RAP1GDS1: variants seen among roughly 807,000 people sequenced by gnomAD.
The protein encoded by RAP1GDS1 is Rap1 GTPase-GDP dissociation stimulator 1.
In RAP1GDS1, 35 loss-of-function variants were observed where a neutral mutation model predicts 71.1. That is an observed-to-expected ratio of 0.49 (90% confidence interval 0.38 to 0.65). RAP1GDS1 has a LOEUF of 0.65. Among genes scored for constraint, RAP1GDS1 ranks in the 30% least tolerant of loss-of-function variants. The probability of loss-of-function intolerance (pLI) is 0.00; values close to 1 mark genes in which losing one functional copy is unlikely to be tolerated. For missense variants in RAP1GDS1, 663 were observed against 706.1 expected, an observed-to-expected ratio of 0.94 and a Z score of 0.69; for synonymous variants, 229 against 243.1, an observed-to-expected ratio of 0.94 and a Z score of 0.54.
At chr4:98,303,627 A>AATAATATATAAT (rs1553965662) in intron 2 of RAP1GDS1, among the ~76,000 whole-genome samples, 1 of 141,332 alleles carries the variant, frequency 7.1e-6, no homozygotes, top group African/African-American at 2.6e-5. Context: ...GTAAATTAAT[A>AATAATATATAAT]ATAATATAAT....
intron 4 of RAP1GDS1, among the ~76,000 whole-genome samples, chr4:98,372,254 C>G (rs576082221): frequency 5.3e-5 from 8 of 152,214 alleles, no homozygotes; most frequent in African/African-American, 1.9e-4. Flanking sequence ...CCTCCGCCTC[C>G]TAGGTTCAAG....
rs576272464 is a variant in RAP1GDS1, at chr4:98,441,329, G to C, written c.1697-661G>C. Reference sequence around the variant, plus strand: ...ATTTTCTTGTAATTGAAGTTAAATAGAGAAAGCAAGTCAGAAAGAAGAGGA... The same window carrying C: ...ATTTTCTTGTAATTGAAGTTAAATACAGAAAGCAAGTCAGAAAGAAGAGGA... On this transcript the variant is annotated intron_variant, in intron 14 of 14. Coordinates refer to ENST00000408927, the MANE Select transcript of RAP1GDS1 (RefSeq NM_001100427.2). 7 of 982,474 alleles carry C rather than the reference G, an allele frequency of 7.1e-6. No homozygotes were observed. The Admixed American group carries it at 4.3e-4, about 60-fold the overall frequency. The allele number at this position is 982,474 out of a possible 1,614,324, so 60.9% of individuals were successfully genotyped here.
At chr4:98,307,103 A>G (rs1729436139) in intron 2 of RAP1GDS1, among the ~76,000 whole-genome samples, 3 of 151,932 alleles carry the variant, frequency 2.0e-5, no homozygotes, top group Admixed American at 2.0e-4. Context: ...ATTTTAACAT[A>G]TGGTACATGT....
chr4:98,332,688 C>G (rs573032915), intron 2 of RAP1GDS1, among the ~76,000 whole-genome samples: 1 of 152,188 alleles, frequency 6.6e-6, no homozygotes, highest in African/African-American at 2.4e-5. Context: ...ACAGCATTTC[C>G]AACTTGAAAC....
intron 6 of RAP1GDS1, chr4:98,396,066 C>CA: frequency 6.6e-6 from 1 of 152,184 alleles, no homozygotes; most frequent in Non-Finnish European, 1.5e-5. Flanking sequence ...GAGAGAGAGA[C>CA]AAAGGGGAAG....
chr4:98,268,650 T>C (rs2110225999), intron 1 of RAP1GDS1, among the ~76,000 whole-genome samples: 1 of 151,692 alleles, frequency 6.6e-6, no homozygotes, highest in East Asian at 1.9e-4. Flanking sequence ...CATAGAAAAA[T>C]CAGAAGCATT....
chr4:98,285,919 A>G lies in RAP1GDS1; in HGVS notation c.5-7489A>G, dbSNP rs182996426. 3.7e-3 allele frequency among the ~76,000 whole-genome samples: 547 copies of G among 147,892 alleles called. 5 individuals are homozygous for G. The highest frequency in any genetic ancestry group is 0.012 in the African/African-American group (507 of 40,860). The stretch of plus-strand genomic sequence containing the variant: ...ATAAACATTATAAATTATTTATAAT[A>G]TTTATTTATAAATATATTCATATTT... On this transcript the variant is annotated intron_variant, in intron 1 of 14. Transcript: ENST00000408927.
At chr4:98,419,933 A>C in intron 10 of RAP1GDS1, 86 bp from the exon 11 acceptor site, 1 of 1,233,790 alleles carries the variant, frequency 8.1e-7, no homozygotes, top group Non-Finnish European at 1.1e-6. Flanking sequence ...TGGATCTTAA[A>C]GATACTTAAT....
rs1375241470 is a variant in RAP1GDS1, at chr4:98,285,149, T to C, written c.5-8259T>C. ...TTATATAAAACACTGAAAAGATACA[T>C]TTCCTCAGTGAGCAATAGATTGCTA... On this transcript the variant is annotated intron_variant, in intron 1 of 14. Transcript: ENST00000408927. Among the ~76,000 whole-genome samples, 4 of 152,194 alleles carry C rather than the reference T, an allele frequency of 2.6e-5. No individual in the cohort carries two copies. The East Asian group carries it at 7.7e-4, about 29-fold the overall frequency.
chr4:98,435,993 C>A (rs1458744969), intron 13 of RAP1GDS1, among the ~76,000 whole-genome samples: 2 of 151,314 alleles, frequency 1.3e-5, no homozygotes, highest in East Asian at 3.9e-4. Flanking sequence ...ATGGCGTGAA[C>A]CCAGGAGGCG....
At chr4:98,381,677 A>G (rs1742042774) in intron 5 of RAP1GDS1, among the ~76,000 whole-genome samples, 1 of 151,634 alleles carries the variant, frequency 6.6e-6, no homozygotes. Context: ...TCAGTATACA[A>G]GACTCTGCTA....
intron 1 of RAP1GDS1, among the ~76,000 whole-genome samples, chr4:98,270,169 A>C (rs982940206): frequency 5.9e-5 from 9 of 152,196 alleles, no homozygotes; most frequent in Admixed American, 5.2e-4. Flanking sequence ...TTATAATGCC[A>C]TTAATCTATT....
intron 6 of RAP1GDS1, among the ~76,000 whole-genome samples, chr4:98,399,387 A>C (rs1321511109): frequency 6.6e-6 from 1 of 152,188 alleles, no homozygotes; most frequent in African/African-American, 2.4e-5. Flanking sequence ...TCTGTCACAC[A>C]GGCTAGAGTG....
chr4:98,366,458 A>G (rs1739509566), intron 4 of RAP1GDS1, among the ~76,000 whole-genome samples: 1 of 152,216 alleles, frequency 6.6e-6, no homozygotes, highest in South Asian at 2.1e-4. Flanking sequence ...AATACAGTAA[A>G]TTGGTACCAG....
intron 2 of RAP1GDS1, among the ~76,000 whole-genome samples, chr4:98,338,827 C>T (rs1276446509): frequency 6.6e-6 from 1 of 152,124 alleles, no homozygotes; most frequent in African/African-American, 2.4e-5. Flanking sequence ...AGTTTATCCT[C>T]ATGAAACCTA....
At chr4:98,286,645 G>T (rs928334800) in intron 1 of RAP1GDS1, among the ~76,000 whole-genome samples, 5 of 151,948 alleles carry the variant, frequency 3.3e-5, no homozygotes, top group African/African-American at 1.2e-4. Context: ...AGCACTTTGG[G>T]AGGCCTAGGT....
intron 14 of RAP1GDS1, chr4:98,441,733 C>T (rs1751890779): frequency 3.1e-6 from 2 of 639,254 alleles, no homozygotes; most frequent in Non-Finnish European, 3.9e-6. Context: ...TGCCACTGTA[C>T]TCAAACCTGG....
intron 4 of RAP1GDS1, among the ~76,000 whole-genome samples, chr4:98,362,688 G>C (rs558764783): frequency 2.0e-4 from 31 of 152,164 alleles, no homozygotes; most frequent in Non-Finnish European, 4.1e-4. Flanking sequence ...TAATCTCTTT[G>C]AGTGTGAAAA....
intron 2 of RAP1GDS1, among the ~76,000 whole-genome samples, chr4:98,334,727 A>C (rs550162867): frequency 2.0e-5 from 3 of 152,100 alleles, no homozygotes; most frequent in Non-Finnish European, 2.9e-5. Context: ...AGCAATTGTT[A>C]GTCAGGCAAA....
Sources: allele counts gnomAD v4.1 joint callset (sites outside exome capture counted in the v4.1 genomes callset), GRCh38; gene constraint gnomAD v4.1.1; transcripts MANE v1.5; gene names NCBI Gene and HGNC (gene_info 2026-07-23, HGNC 2026-07-21).